RAPSN: variants seen among roughly 807,000 people sequenced by gnomAD.
RAPSN encodes the protein receptor associated protein of the synapse.
In RAPSN, 33 loss-of-function variants were observed where a neutral mutation model predicts 45.7. That is an observed-to-expected ratio of 0.72 (90% CI 0.55 to 0.97). The LOEUF is 0.97. RAPSN is among the 50% of genes least tolerant of loss of function. The pLI is 0.00. For synonymous variants in RAPSN, 244 were observed against 233.6 expected (o/e 1.04, Z -0.40); for missense variants, 519 against 559.4 (o/e 0.93, Z 0.73).
chr11:47,438,817 G>A lies in RAPSN; in HGVS notation c.1081C>T (p.Leu361Phe). 6.4e-7 allele frequency: 1 copy of A among 1,573,960 alleles called. No homozygotes were observed. Among genetic ancestry groups the A allele is most frequent in the Non-Finnish European group, 8.6e-7 (1 of 1,158,792 alleles). Residue 361 changes from leucine (L) to phenylalanine (F), a missense_variant, in exon 7 of 8, where the codon CTC becomes TTC. Transcript: ENST00000298854. Reference protein sequence around the residue: ...RFHECVEETELYCGLCGESIG... With the variant: ...RFHECVEETEFYCGLCGESIG... ...GACTCGCCGCACAGGCCGCAGTAGA[G>A]CTCCGTCTCCTCCACGCACTCGTGG...
chr11:47,448,195 G>A (rs767444922), intron 1 of RAPSN, 45 bp from the exon 2 acceptor site: 1 of 1,592,546 alleles, frequency 6.3e-7, no homozygotes, highest in Non-Finnish European at 8.5e-7. Context: ...CCTGGACTCT[G>A]AGCCTTGGAC....
chr11:47,441,946 GC>G, intron 3 of RAPSN, 25 bp from the exon 4 acceptor site: 2 of 1,549,902 alleles, frequency 1.3e-6, no homozygotes, highest in Non-Finnish European at 8.7e-7. Context: ...AGTGGCTCAG[GC>G]CTACTCCTCT....
Position 47,447,874 on chromosome 11 carries a change from C to T in RAPSN, c.469G>A (p.Asp157Asn). ...EKALRYAHNN[D>N]DAMLECRVCC... ...ACGCGGCACTCGAGCATGGCGTCAT[C>T]ATTGTTGTGGGCATAGCGCAGGGCC... The change falls in exon 2 of 8, where the codon GAT (aspartate) becomes AAT (asparagine). Residue 157 changes from aspartate (D) to asparagine (N), a missense_variant. Physicochemically the swap from Asp to Asn is conservative, Grantham distance 23. Transcript: ENST00000298854. The T allele has an allele frequency of 6.2e-7, 1 of 1,613,624 alleles. No individual in the cohort carries two copies. Among genetic ancestry groups the T allele is most frequent in the Non-Finnish European group, 8.5e-7 (1 of 1,179,904 alleles).
rs778884780 is a variant in RAPSN, at chr11:47,442,664, A to G, written c.682T>C (p.Cys228Arg). ...CTTCCCCGCTGCCCCACCTCACAACACTCCATGGCACTGCCCAGGCGGCCC... is the reference window on the plus strand; with the variant it reads ...CTTCCCCGCTGCCCCACCTCACAACGCTCCATGGCACTGCCCAGGCGGCCC... ...LLGRLGSAME[C>R]CEESMKIALQ... The change falls in exon 3 of 8, where the codon TGT becomes CGT. Residue 228 changes from cysteine (C) to arginine (R), a missense_variant. Transcript: ENST00000298854. 8 of 1,612,880 alleles carry G rather than the reference A, an allele frequency of 5.0e-6. No individual in the cohort carries two copies. Among genetic ancestry groups the G allele is most frequent in the Non-Finnish European group, 6.8e-6 (8 of 1,179,750 alleles).
chr11:47,441,435 C>G, intron 5 of RAPSN, 176 bp downstream of exon 5: 1 of 1,320,338 alleles, frequency 7.6e-7, no homozygotes, highest in Non-Finnish European at 1.0e-6. Flanking sequence ...AGCTGTGGGT[C>G]CTAGGGCAAG....
At chr11:47,438,079 T>C in intron 7 of RAPSN, 32 bp from the exon 8 acceptor site, 27 of 1,548,498 alleles carry the variant, frequency 1.7e-5, no homozygotes, top group Non-Finnish European at 2.4e-5. Flanking sequence ...TCCACTCCCC[T>C]GAGGCCTGTC....
intron 2 of RAPSN, among the ~76,000 whole-genome samples, chr11:47,445,339 G>A (rs1160376493): frequency 1.3e-5 from 2 of 151,874 alleles, no homozygotes; most frequent in African/African-American, 4.8e-5. Flanking sequence ...GCTCACACCG[G>A]TAATCCCAGC....
intron 2 of RAPSN, among the ~76,000 whole-genome samples, chr11:47,445,562 C>CTCCA (rs1033127060): frequency 7.2e-6 from 1 of 139,694 alleles, no homozygotes; most frequent in Non-Finnish European, 1.5e-5. Context: ...AGCCACTGCA[C>CTCCA]TCCAGCCTAG....
Position 47,437,895 on chromosome 11 carries a change from C to G in RAPSN, c.*80G>C, listed in dbSNP as rs886048385. On this transcript the variant is annotated 3_prime_UTR_variant, in exon 8 of 8. Coordinates refer to ENST00000298854, the MANE Select transcript of RAPSN (RefSeq NM_005055.5). ...TGGTGAGGACGACCTGGCAGCTGCC[C>G]CAGGAGTAAATGGGCCTCTGGCGTG... 4.6e-6 allele frequency: 7 copies of G among 1,532,564 alleles called. No individual in the cohort carries two copies. The highest frequency in any genetic ancestry group is 1.4e-5 in the African/African-American group (1 of 72,606). 94.9% of individuals were successfully genotyped at this position (1,532,564 alleles called of 1,614,324 possible).
At position 47,448,783 on chromosome 11, in the gene RAPSN, T is replaced by A; in HGVS notation, c.182A>T (p.Glu61Val). The A allele has an allele frequency of 6.2e-7, 1 of 1,610,588 alleles. No individual in the cohort carries two copies. The highest frequency in any genetic ancestry group is 8.5e-7 in the Non-Finnish European group (1 of 1,179,970). Residue 61 changes from glutamate to valine, a missense_variant, in exon 1 of 8, where the codon GAG becomes GTG. By Grantham distance (121) the Glu-to-Val change is moderately radical. Coordinates refer to ENST00000298854, the MANE Select transcript of RAPSN (RefSeq NM_005055.5). ...GCCGGGTACACCCACCTTCAGCATC[T>A]CCTTGTAGCGGCCCATCTCCGAGTG... is the stretch of plus-strand genomic sequence containing the variant. ...TAHSEMGRYKEMLKFAVVQID... is the reference protein window; with the variant it reads ...TAHSEMGRYKVMLKFAVVQID...
rs1164380644 is a variant in RAPSN, at chr11:47,447,919, C to T, written c.424G>A (p.Ala142Thr). The T allele has an allele frequency of 3.7e-6, 6 of 1,613,320 alleles. No individual in the cohort carries two copies. In the East Asian group the frequency reaches 1.1e-4, roughly 30 times the overall value. ...AFLGLSVFQK[A>T]LESFEKALRY... ...AGGGCCTTCTCGAAGCTCTCCAGGG[C>T]CTTCTGGAAGACGCTGAGGCCCAGG... The change falls in exon 2 of 8, where the codon GCC (alanine) becomes ACC (threonine). Residue 142 changes from alanine (A) to threonine (T), a missense_variant. Transcript: ENST00000298854.
Position 47,447,802 on chromosome 11 carries a change from G to A in RAPSN, c.531+10C>T. 6.2e-7 allele frequency: 1 copy of A among 1,607,138 alleles called. No homozygotes were observed. The highest frequency in any genetic ancestry group is 8.5e-7 in the Non-Finnish European group (1 of 1,177,216). On this transcript the variant is annotated intron_variant, in intron 2 of 7. Coordinates refer to ENST00000298854, the MANE Select transcript of RAPSN (RefSeq NM_005055.5). Reference sequence around the variant, plus strand: ...CCCTCCACTGCTGTCCCCCTGGGGTGCAGGCCCACCTTGACCTGGGCATAG... The same window carrying A: ...CCCTCCACTGCTGTCCCCCTGGGGTACAGGCCCACCTTGACCTGGGCATAG...
At position 47,443,399 on chromosome 11, in the gene RAPSN, C is replaced by A. The variant is rs151134417; in HGVS notation, c.532-585G>T. 1.2e-4 allele frequency among the ~76,000 whole-genome samples: 19 copies of A among 152,294 alleles called. No homozygotes were observed. The East Asian group carries it at 3.7e-3, about 29-fold the overall frequency. Reference sequence around the variant, plus strand: ...AGCTGATGACCTCGCCTCAACTCCACGAGGAAAAGGAAGAAAATCAGGGAG... The same window carrying A: ...AGCTGATGACCTCGCCTCAACTCCAAGAGGAAAAGGAAGAAAATCAGGGAG... On this transcript the variant is annotated intron_variant, in intron 2 of 7. Transcript: ENST00000298854.
chr11:47,439,240 G>A (rs1200013800), intron 6 of RAPSN, among the ~76,000 whole-genome samples: 2 of 152,188 alleles, frequency 1.3e-5, no homozygotes, highest in African/African-American at 4.8e-5. Flanking sequence ...TGGGGAGGCC[G>A]AGGCAGGTGG....
chr11:47,439,739 G>A (rs1208215558), intron 6 of RAPSN, among the ~76,000 whole-genome samples: 2 of 126,970 alleles, frequency 1.6e-5, no homozygotes, highest in Non-Finnish European at 3.4e-5. Flanking sequence ...TTTAGATGGA[G>A]TCTTGCTCTG....
At position 47,437,773 on chromosome 11, in the gene RAPSN, AAC is replaced by A. The variant is rs1447405383; in HGVS notation, c.*200_*201del. On this transcript the variant is annotated 3_prime_UTR_variant, in exon 8 of 8. Transcript: ENST00000298854. ...GTCGGAATCCCTGGGACCAGGTACA[AAC>A]AGTTTATTTTTCTATAAAGAGCAAA... is the stretch of plus-strand genomic sequence containing the variant. The A allele has an allele frequency of 4.3e-6, 3 of 704,628 alleles. No individual in the cohort carries two copies. In the African/African-American group the frequency reaches 5.3e-5, roughly 13 times the overall value. The allele number at this position is 704,628 out of a possible 1,614,324, so 43.6% of individuals were successfully genotyped here. A position where few individuals can be genotyped will look rare whatever the true frequency, so the allele number is the denominator to read the frequency against.
At chr11:47,443,931 CAAA>C (rs1161231934) in intron 2 of RAPSN, among the ~76,000 whole-genome samples, 3 of 13,966 alleles carry the variant, frequency 2.1e-4, no homozygotes, top group Non-Finnish European at 3.6e-4. Flanking sequence ...CTCTGTCTCA[CAAA>C]AAAAAAAAAA....
Position 47,448,171 on chromosome 11 carries a change from CA to C in RAPSN, c.193-22del. 3 of 1,604,810 alleles carry C rather than the reference CA, an allele frequency of 1.9e-6. No homozygotes were observed. The South Asian group carries it at 3.3e-5, about 18-fold the overall frequency. ...GCGAACTGCACACAGCGACGGTGGG[CA>C]GGTGGTGCTCAGCCTGGACTCTGAG... On this transcript the variant is annotated intron_variant, in intron 1 of 7. Transcript: ENST00000298854.
chr11:47,446,363 G>A (rs1469624612), intron 2 of RAPSN, among the ~76,000 whole-genome samples: 1 of 152,038 alleles, frequency 6.6e-6, no homozygotes, highest in African/African-American at 2.4e-5. Flanking sequence ...AATTAAAAAG[G>A]TTTTTAAAAA....
Sources: allele counts gnomAD v4.1 joint callset (sites outside exome capture counted in the v4.1 genomes callset), GRCh38; gene constraint gnomAD v4.1.1; transcripts MANE v1.5; gene names NCBI Gene and HGNC (gene_info 2026-07-23, HGNC 2026-07-21).